Variants in TSPAN9 observed in about 807,000 individuals in gnomAD.
TSPAN9 encodes tetraspanin-9.
Under a neutral mutation model 31.0 loss-of-function variants are expected in TSPAN9, and 16 were observed. The observed-to-expected ratio is 0.52, with a 90% CI of 0.35 to 0.78. TSPAN9 has a LOEUF of 0.78. Ranked by LOEUF, TSPAN9 falls within the 30% of genes least tolerant of loss-of-function variation. The probability of loss-of-function intolerance (pLI) is 0.01; values close to 1 mark genes in which losing one functional copy is unlikely to be tolerated. For synonymous variants in TSPAN9, 145 were observed against 121.6 expected, an observed-to-expected ratio of 1.19 and a Z score of -1.27; for missense variants, 272 against 312.5, an observed-to-expected ratio of 0.87 and a Z score of 0.98.
chr12:3,212,328 T>A (rs1402190878), intron 3 of TSPAN9, among the ~76,000 whole-genome samples: 1 of 152,262 alleles, frequency 6.6e-6, no homozygotes, highest in Non-Finnish European at 1.5e-5. Flanking sequence ...TTTCTATTCA[T>A]GAACATGGTA....
rs1045024109 is a variant in TSPAN9, at chr12:3,284,404, G to A, written c.*1288G>A. ...GGGAAGGAGGGAATCACGTCCACCTGGGTCCCAAGATCTTCGCCTCCTTCC... is the reference window on the plus strand; with the variant it reads ...GGGAAGGAGGGAATCACGTCCACCTAGGTCCCAAGATCTTCGCCTCCTTCC... On this transcript the variant is annotated 3_prime_UTR_variant, in exon 9 of 9. Transcript: ENST00000011898. 3.3e-5 allele frequency: 5 copies of A among 152,300 alleles called. No individual in the cohort carries two copies. In the East Asian group the frequency reaches 7.7e-4, roughly 24 times the overall value. The allele number at this position is 152,300 out of a possible 1,614,324, so 9.4% of individuals were successfully genotyped here.
intron 2 of TSPAN9, among the ~76,000 whole-genome samples, chr12:3,098,336 T>C (rs933830774): frequency 6.6e-6 from 1 of 152,196 alleles, no homozygotes; most frequent in Non-Finnish European, 1.5e-5. Context: ...CTTGGACCCA[T>C]CTCAGCTGGG....
chr12:3,210,787 C>T (rs987051994), intron 3 of TSPAN9, among the ~76,000 whole-genome samples: 4 of 151,148 alleles, frequency 2.6e-5, no homozygotes, highest in African/African-American at 9.8e-5. Flanking sequence ...TCCTGTCAGC[C>T]AGGCTGGAGT....
intron 2 of TSPAN9, among the ~76,000 whole-genome samples, chr12:3,100,423 G>C (rs2098311369): frequency 1.3e-5 from 2 of 152,186 alleles, no homozygotes; most frequent in South Asian, 4.2e-4. Flanking sequence ...ACTCCATTTG[G>C]ATTCCTGTTG....
chr12:3,256,963 G>A (rs991274623), intron 3 of TSPAN9, among the ~76,000 whole-genome samples: 1 of 152,180 alleles, frequency 6.6e-6, no homozygotes, highest in Non-Finnish European at 1.5e-5. Context: ...GGAGAACCTG[G>A]TTTAGTTGAA....
intron 2 of TSPAN9, among the ~76,000 whole-genome samples, chr12:3,097,062 G>A (rs1289173940): frequency 6.6e-6 from 1 of 152,134 alleles, no homozygotes; most frequent in African/African-American, 2.4e-5. Context: ...AAGAGGTGGC[G>A]AGGACGTTGA....
chr12:3,257,777 A>AGGGG (rs1862376857), intron 3 of TSPAN9, among the ~76,000 whole-genome samples: 20 of 140,956 alleles, frequency 1.4e-4, no homozygotes, highest in Non-Finnish European at 1.4e-4. Context: ...CGGGAGGGGT[A>AGGGG]GGGGGGCGGC....
At chr12:3,184,886 G>A (rs1259312380) in intron 2 of TSPAN9, among the ~76,000 whole-genome samples, 1 of 152,328 alleles carries the variant, frequency 6.6e-6, no homozygotes, top group East Asian at 1.9e-4. Context: ...ACAGTTCACA[G>A]GGAATGCAGT....
At chr12:3,199,670 C>G (rs2098369999) in intron 2 of TSPAN9, among the ~76,000 whole-genome samples, 1 of 152,184 alleles carries the variant, frequency 6.6e-6, no homozygotes, top group Non-Finnish European at 1.5e-5. Flanking sequence ...CAACCGAGAA[C>G]GCGGGGCAAG....
rs192201655 is a variant in TSPAN9 at position 3,115,280 on chromosome 12, A to G, written c.-18+31561A>G. Among the ~76,000 whole-genome samples, 3 of 152,316 alleles carry G rather than the reference A, an allele frequency of 2.0e-5. No individual in the cohort carries two copies. The East Asian group carries it at 5.8e-4, about 29-fold the overall frequency. On this transcript the variant is annotated intron_variant, in intron 2 of 8. Coordinates refer to ENST00000011898, the MANE Select transcript of TSPAN9 (RefSeq NM_006675.5). ...TTCCATTCCTTTTTAGGGCTCAGTA[A>G]TATTCCAGCATACGGACAGACCACA... is the stretch of plus-strand genomic sequence containing the variant.
chr12:3,174,861 C>G (rs980504265), intron 2 of TSPAN9, among the ~76,000 whole-genome samples: 1 of 152,180 alleles, frequency 6.6e-6, no homozygotes, highest in Non-Finnish European at 1.5e-5. Context: ...GGATTACAGG[C>G]GTGAGCCACC....
At position 3,225,648 on chromosome 12, in the gene TSPAN9, A is replaced by C. The variant is rs2098386820; in HGVS notation, c.63+24392A>C. ...GTGCCTGACTCATGCTTGGTTCCGG[A>C]GCTTAAGAAAGTGGGCAGACGGCCC... On this transcript the variant is annotated intron_variant, in intron 3 of 8. Coordinates refer to ENST00000011898, the MANE Select transcript of TSPAN9 (RefSeq NM_006675.5). 5.9e-5 allele frequency among the ~76,000 whole-genome samples: 9 copies of C among 151,972 alleles called. No homozygotes were observed. The South Asian group carries it at 1.9e-3, about 32-fold the overall frequency.
intron 2 of TSPAN9, chr12:3,124,879 G>A (rs2098326647): frequency 6.6e-6 from 1 of 152,060 alleles, no homozygotes; most frequent in African/African-American, 2.4e-5. Context: ...GCAACATAGT[G>A]AGACCCCTGT....
intron 2 of TSPAN9, among the ~76,000 whole-genome samples, chr12:3,196,409 GTC>G (rs983903786): frequency 1.1e-4 from 17 of 152,314 alleles, no homozygotes; most frequent in African/African-American, 3.6e-4. Context: ...TGCTTTAAGA[GTC>G]TGTTAGCCTG....
chr12:3,245,040 GTGC>G (rs1195054881), intron 3 of TSPAN9, among the ~76,000 whole-genome samples: 5 of 152,158 alleles, frequency 3.3e-5, no homozygotes, highest in African/African-American at 9.7e-5. Context: ...GCCTATCTAG[GTGC>G]TAAGTGCTCC....
chr12:3,174,619 G>C (rs1012432249), intron 2 of TSPAN9, among the ~76,000 whole-genome samples: 2 of 152,206 alleles, frequency 1.3e-5, no homozygotes, highest in African/African-American at 4.8e-5. Context: ...GTCTCACTCT[G>C]TCGCCCAGGC....
chr12:3,195,177 C>T (rs1328117541), intron 2 of TSPAN9, among the ~76,000 whole-genome samples: 1 of 152,140 alleles, frequency 6.6e-6, no homozygotes, highest in Non-Finnish European at 1.5e-5. Context: ...GAATATTCAG[C>T]ATGGGTCAGA....
intron 3 of TSPAN9, among the ~76,000 whole-genome samples, chr12:3,226,827 G>A (rs1384186183): frequency 1.6e-5 from 2 of 128,904 alleles, no homozygotes; most frequent in Non-Finnish European, 3.2e-5. Flanking sequence ...CGAACTCCTG[G>A]GCTCAAGCAG....
intron 3 of TSPAN9, among the ~76,000 whole-genome samples, chr12:3,225,562 C>T (rs999139787): frequency 1.3e-5 from 2 of 152,030 alleles, no homozygotes; most frequent in African/African-American, 2.4e-5. Flanking sequence ...AGCCTGATGC[C>T]TGTGGGATGG....
Sources: allele counts gnomAD v4.1 joint callset (sites outside exome capture counted in the v4.1 genomes callset), GRCh38; gene constraint gnomAD v4.1.1; transcripts MANE v1.5; gene names NCBI Gene and HGNC (gene_info 2026-07-23, HGNC 2026-07-21).